The following SLC15A4 variants were observed in gnomAD, a reference collection of about 807,000 sequenced individuals.
The protein encoded by SLC15A4 is hPHT1.
SLC15A4 carries 26 observed loss-of-function variants against 46.1 expected under a neutral mutation model. That is an observed-to-expected ratio of 0.56 (90% CI 0.41 to 0.78). The LOEUF is 0.78. SLC15A4 is among the 30% of genes least tolerant of loss of function. SLC15A4 has a pLI of 0.00. For synonymous variants in SLC15A4, 370 were observed against 333.4 expected (o/e 1.11, Z -1.20); for missense variants, 751 against 755.7 (o/e 0.99, Z 0.07).
Position 128,808,918 on chromosome 12 carries a change from G to A in SLC15A4, c.1128C>T (p.Leu376=), listed in dbSNP as rs146311595. The change falls in exon 5 of 8, where the codon CTC becomes CTT. Residue 376 remains leucine, a synonymous_variant. Coordinates refer to ENST00000266771, the MANE Select transcript of SLC15A4 (RefSeq NM_145648.4). ...CCTTCAGAGGGATGAGCAGGAGGATGAGCACAGCATCAAACATGGTCAGCC... is the reference window on the plus strand; with the variant it reads ...CCTTCAGAGGGATGAGCAGGAGGATAAGCACAGCATCAAACATGGTCAGCC... ...AAWLTMFDAV[L]ILLLIPLKDK... 1 of 1,614,206 alleles carries A rather than the reference G, an allele frequency of 6.2e-7. No individual in the cohort carries two copies. The highest frequency in any genetic ancestry group is 2.2e-5 in the East Asian group (1 of 44,894).
At position 128,808,830 on chromosome 12, in the gene SLC15A4, C is replaced by T. The variant is rs748070917; in HGVS notation, c.1216G>A (p.Ala406Thr). 1.9e-5 allele frequency: 31 copies of T among 1,614,062 alleles called. No homozygotes were observed. Among genetic ancestry groups the T allele is most frequent in the Non-Finnish European group, 2.5e-5 (29 of 1,180,042 alleles). Reference sequence around the variant, plus strand: ...CACATGACAAAGAACATGCCCACGGCGATCCTCTTCAGGGAGGATGGGAGC... The same window carrying T: ...CACATGACAAAGAACATGCCCACGGTGATCCTCTTCAGGGAGGATGGGAGC... ...GLLPSSLKRI[A>T]VGMFFVMCSA... The change falls in exon 5 of 8, where the codon GCC (alanine) becomes ACC (threonine). Residue 406 changes from alanine (A) to threonine (T), a missense_variant. Coordinates refer to ENST00000266771, the MANE Select transcript of SLC15A4 (RefSeq NM_145648.4).
At chr12:128,796,745 G>T (rs1310647222) in intron 7 of SLC15A4, among the ~76,000 whole-genome samples, 1 of 152,196 alleles carries the variant, frequency 6.6e-6, no homozygotes, top group Non-Finnish European at 1.5e-5. Flanking sequence ...TGACGCTACT[G>T]AGACGAGGTT....
chr12:128,810,511 A>C (rs1195151747), intron 2 of SLC15A4, among the ~76,000 whole-genome samples: 2 of 152,268 alleles, frequency 1.3e-5, no homozygotes, highest in Admixed American at 1.3e-4. Flanking sequence ...AGCATATGAA[A>C]AAATGCACTG....
At chr12:128,816,829 GA>G (rs765517681) in intron 1 of SLC15A4, among the ~76,000 whole-genome samples, 1 of 149,546 alleles carries the variant, frequency 6.7e-6, no homozygotes, top group Non-Finnish European at 1.5e-5. Context: ...TGTCTCAAAA[GA>G]AAAAAAAAGA....
At chr12:128,820,989 G>C (rs895495931) in intron 1 of SLC15A4, among the ~76,000 whole-genome samples, 4 of 152,160 alleles carry the variant, frequency 2.6e-5, no homozygotes, top group Non-Finnish European at 5.9e-5. Flanking sequence ...TCCTATGAGA[G>C]AGGTCGTTTA....
intron 5 of SLC15A4, among the ~76,000 whole-genome samples, chr12:128,803,804 C>A (rs1955546704): frequency 6.6e-6 from 1 of 152,184 alleles, no homozygotes; most frequent in Non-Finnish European, 1.5e-5. Flanking sequence ...ACAAATAATT[C>A]TTGAGGCCTA....
At chr12:128,795,758 C>A (rs1275003843) in intron 7 of SLC15A4, among the ~76,000 whole-genome samples, 1 of 152,254 alleles carries the variant, frequency 6.6e-6, no homozygotes, top group African/African-American at 2.4e-5. Context: ...TTTAGCTCGT[C>A]ATGACTGGTC....
intron 2 of SLC15A4, among the ~76,000 whole-genome samples, chr12:128,811,638 T>C (rs1955657689): frequency 6.6e-6 from 1 of 152,238 alleles, no homozygotes; most frequent in Non-Finnish European, 1.5e-5. Flanking sequence ...ATTAACTTCT[T>C]CAAGTACTAC....
chr12:128,803,447 G>A (rs1443957170), intron 5 of SLC15A4, among the ~76,000 whole-genome samples: 2 of 150,286 alleles, frequency 1.3e-5, no homozygotes, highest in East Asian at 3.9e-4. Context: ...GTAAGCTGGG[G>A]GGAGAAATAA....
At chr12:128,796,452 A>AAAAAAAAAAAAAC in intron 7 of SLC15A4, among the ~76,000 whole-genome samples, 1 of 39,594 alleles carries the variant, frequency 2.5e-5, no homozygotes, top group Non-Finnish European at 8.6e-5. Context: ...AAAAAAAAAA[A>AAAAAAAAAAAAAC]AAAAAACCCA....
chr12:128,814,644 G>C, intron 2 of SLC15A4, 131 bp downstream of exon 2: 1 of 912,058 alleles, frequency 1.1e-6, no homozygotes, highest in Non-Finnish European at 1.7e-6. Flanking sequence ...AGTGTTAAAG[G>C]AGAGAAGACA....
chr12:128,807,650 C>T (rs770895356), intron 5 of SLC15A4, among the ~76,000 whole-genome samples: 6 of 152,218 alleles, frequency 3.9e-5, no homozygotes, highest in African/African-American at 1.4e-4. Context: ...TCTGCTGAAC[C>T]GCAGCCTGCA....
chr12:128,814,296 T>TATGATGGACCTGACCGCTGA, intron 2 of SLC15A4: 1 of 213,592 alleles, frequency 4.7e-6, no homozygotes, highest in Admixed American at 5.7e-5. Flanking sequence ...CTGACCGCTG[T>TATGATGGACCTGACCGCTGA]ATGATGGAGC....
intron 5 of SLC15A4, among the ~76,000 whole-genome samples, chr12:128,807,781 C>T (rs998859627): frequency 4.6e-5 from 7 of 152,344 alleles, no homozygotes; most frequent in African/African-American, 1.7e-4. Context: ...CAGACACGAC[C>T]TCACTTTAAT....
At chr12:128,822,184 C>T (rs781000715) in intron 1 of SLC15A4, among the ~76,000 whole-genome samples, 1 of 152,168 alleles carries the variant, frequency 6.6e-6, no homozygotes, top group Non-Finnish European at 1.5e-5. Flanking sequence ...ACTTGGTGGC[C>T]ACGTCCTTGC....
Position 128,799,310 on chromosome 12 carries a change from C to T in SLC15A4, c.1522G>A (p.Ala508Thr). ...CCGATGGCTTTGATAGACACCAGTG[C>T]CAGCAGTCCAGAACCCACGAACGAC... ...VGSFVGSGLL[A>T]LVSIKAIGWM... is the part of the protein sequence containing the mutation. Residue 508 changes from alanine (A) to threonine (T), a missense_variant, in exon 7 of 8, where the codon GCA (alanine) becomes ACA (threonine). Coordinates refer to ENST00000266771, the MANE Select transcript of SLC15A4 (RefSeq NM_145648.4). 6.2e-7 allele frequency: 1 copy of T among 1,614,160 alleles called. No individual in the cohort carries two copies. Among genetic ancestry groups the T allele is most frequent in the East Asian group, 2.2e-5 (1 of 44,888 alleles).
At position 128,808,958 on chromosome 12, in the gene SLC15A4, TG is replaced by T. The variant is rs1356054568; in HGVS notation, c.1090-3del. On this transcript the variant is annotated splice_region_variant and splice_polypyrimidine_tract_variant and intron_variant, in intron 4 of 7. Coordinates refer to ENST00000266771, the MANE Select transcript of SLC15A4 (RefSeq NM_145648.4). ...CATGGTCAGCCAGGCTGCAGGGAGCTGGGGTGAAACACAGGAGGAGGCGTTT... is the reference window on the plus strand; with the variant it reads ...CATGGTCAGCCAGGCTGCAGGGAGCTGGGTGAAACACAGGAGGAGGCGTTT... 2.5e-6 allele frequency: 4 copies of T among 1,612,284 alleles called. No homozygotes were observed. Among genetic ancestry groups the T allele is most frequent in the Non-Finnish European group, 3.4e-6 (4 of 1,178,884 alleles).
intron 5 of SLC15A4, among the ~76,000 whole-genome samples, chr12:128,804,514 A>G (rs1415145191): frequency 2.6e-5 from 4 of 152,138 alleles, no homozygotes; most frequent in Non-Finnish European, 5.9e-5. Flanking sequence ...GGCAGATCAC[A>G]AGGTCAGGAG....
At position 128,809,977 on chromosome 12, in the gene SLC15A4, A is replaced by C. The variant is rs1242406215; in HGVS notation, c.977T>G (p.Leu326Trp). 1 of 1,614,192 alleles carries C rather than the reference A, an allele frequency of 6.2e-7. No homozygotes were observed. Among genetic ancestry groups the C allele is most frequent in the South Asian group, 1.1e-5 (1 of 91,070 alleles). Residue 326 changes from leucine (L) to tryptophan (W), a missense_variant, in exon 3 of 8, where the codon TTG becomes TGG. Transcript: ENST00000266771. ...KALVKIVPVF[L>W]ALIPYWTVYF... Reference sequence around the variant, plus strand: ...CACTGTCCAGTAAGGTATCAAAGCCAAGAAAACAGGGACAATCTTGACCAG... The same window carrying C: ...CACTGTCCAGTAAGGTATCAAAGCCCAGAAAACAGGGACAATCTTGACCAG...
Sources: allele counts gnomAD v4.1 joint callset (sites outside exome capture counted in the v4.1 genomes callset), GRCh38; gene constraint gnomAD v4.1.1; transcripts MANE v1.5; gene names NCBI Gene and HGNC (gene_info 2026-07-23, HGNC 2026-07-21).